HOXB1: variants seen among roughly 807,000 people sequenced by gnomAD.
HOXB1 encodes homeobox B1.
Under a neutral mutation model 26.9 loss-of-function variants are expected in HOXB1, and 13 were observed. The ratio of observed to expected loss-of-function variants is 0.48; its 90% CI spans 0.31 to 0.77. The LOEUF (loss-of-function observed/expected upper bound fraction) is 0.77. Ranked by LOEUF, HOXB1 falls within the 30% of genes least tolerant of loss-of-function variation. The pLI is 0.04. For synonymous variants in HOXB1, 168 were observed against 170.8 expected, an observed-to-expected ratio of 0.98 and a Z score of 0.13; for missense variants, 366 against 403.6, an observed-to-expected ratio of 0.91 and a Z score of 0.80.
In HOXB1 at chr17:48,529,771, GGTACTTGTT is replaced by G; in HGVS notation, c.673_681del (p.Asn225_Tyr227del). On this transcript the variant is annotated inframe_deletion, in exon 2 of 2. Coordinates refer to ENST00000239174, the MANE Select transcript of HOXB1 (RefSeq NM_002144.4). ...ATCTCCACCCTCCGGGCCCGGCTCA[GGTACTTGTT>G]GAAATGGAACTCCTTTTCCAGTTCT... 6.2e-7 allele frequency: 1 copy of G among 1,608,186 alleles called. No individual in the cohort carries two copies.
At position 48,529,472 on chromosome 17, in the gene HOXB1, G is replaced by T; in HGVS notation, c.*75C>A. 2.6e-6 allele frequency: 3 copies of T among 1,176,364 alleles called. No individual in the cohort carries two copies. The highest frequency in any genetic ancestry group is 2.6e-5 in the East Asian group (1 of 39,198). The allele number at this position is 1,176,364 out of a possible 1,614,324, so 72.9% of individuals were successfully genotyped here. ...CAGGCCAGTGAAGCCCAGGCCTGGG[G>T]TTGGGGAGAGCCTGGGATAGGGCTG... On this transcript the variant is annotated 3_prime_UTR_variant, in exon 2 of 2. Coordinates refer to ENST00000239174, the MANE Select transcript of HOXB1 (RefSeq NM_002144.4).
Position 48,529,391 on chromosome 17 carries a change from C to G in HOXB1, c.*156G>C. 1 of 510,260 alleles carries G rather than the reference C, an allele frequency of 2.0e-6. No homozygotes were observed. The allele number at this position is 510,260 out of a possible 1,614,324, so 31.6% of individuals were successfully genotyped here. A position where few individuals can be genotyped will look rare whatever the true frequency, so the allele number is the denominator to read the frequency against. ...GGTCTGAGAAAAATGTTTCCCCATC[C>G]CCCCTCCCACCCCCAGGCAGCTCTA... is the stretch of plus-strand genomic sequence containing the variant. On this transcript the variant is annotated 3_prime_UTR_variant, in exon 2 of 2. Transcript: ENST00000239174.
Position 48,530,233 on chromosome 17 carries a change from A to G in HOXB1, c.577+95T>C, listed in dbSNP as rs2068426048. 1.8e-6 allele frequency: 2 copies of G among 1,141,756 alleles called. No individual in the cohort carries two copies. The highest frequency in any genetic ancestry group is 1.5e-5 in the African/African-American group (1 of 64,836). The allele number at this position is 1,141,756 out of a possible 1,614,324, so 70.7% of individuals were successfully genotyped here. On this transcript the variant is annotated intron_variant, in intron 1 of 1. Coordinates refer to ENST00000239174, the MANE Select transcript of HOXB1 (RefSeq NM_002144.4). The surrounding 1 kb of genome is among the most constrained non-coding windows in gnomAD (Gnocchi z 6.2). ...ACCTGTGTCTACCAGAGCCGCTGAAAGAGAAGAACCCAGCCCAGACCCAGG... is the reference window on the plus strand; with the variant it reads ...ACCTGTGTCTACCAGAGCCGCTGAAGGAGAAGAACCCAGCCCAGACCCAGG...
At position 48,530,523 on chromosome 17, in the gene HOXB1, C is replaced by T. The variant is rs766256495; in HGVS notation, c.382G>A (p.Gly128Arg). 24 of 1,613,946 alleles carry T rather than the reference C, an allele frequency of 1.5e-5. No homozygotes were observed. The highest frequency in any genetic ancestry group is 2.7e-5 in the African/African-American group (2 of 74,912). ...GGCCCCGGACCGGCTCCACCTGCTCCGTAGCCATCGGACAAGCCCCCTAGC... is the reference window on the plus strand; with the variant it reads ...GGCCCCGGACCGGCTCCACCTGCTCTGTAGCCATCGGACAAGCCCCCTAGC... ...AQLGGLSDGY[G>R]AGGAGPGPYP... is the part of the protein sequence containing the mutation. The change falls in exon 1 of 2, where the codon GGA becomes AGA. Residue 128 changes from glycine to arginine, a missense_variant. By Grantham distance (125) the Gly-to-Arg change is moderately radical. Transcript: ENST00000239174. The surrounding 1 kb of genome is among the most constrained non-coding windows in gnomAD (Gnocchi z 6.2).
chr17:48,529,672 G>T lies in HOXB1; in HGVS notation c.781C>A (p.Arg261Ser). Residue 261 changes from arginine (R) to serine (S), a missense_variant, in exon 2 of 2, where the codon CGC becomes AGC. Arg to Ser is a moderately radical substitution (Grantham distance 110, BLOSUM62 -1). Coordinates refer to ENST00000239174, the MANE Select transcript of HOXB1 (RefSeq NM_002144.4). ...GGGACCCGACCTTCCTCTCGCTCGC[G>T]CTTCTTCTGCTTCATTCGTCGGTTC... is the stretch of plus-strand genomic sequence containing the variant. ...FQNRRMKQKK[R>S]EREEGRVPPA... The T allele has an allele frequency of 6.2e-7, 1 of 1,612,582 alleles. No individual in the cohort carries two copies.
rs376986229 is a variant in HOXB1, at chr17:48,530,034, C to A, written c.578-159G>T. ...CCACCAGGTACCCCCATGGTGATCA[C>A]CAAGTCTGGAGCAGCCTTCCCCATA... On this transcript the variant is annotated intron_variant, in intron 1 of 1. Transcript: ENST00000239174. The surrounding 1 kb of genome is among the most constrained non-coding windows in gnomAD (Gnocchi z 6.2). The A allele has an allele frequency of 1.5e-6, 1 of 664,212 alleles. No homozygotes were observed. The highest frequency in any genetic ancestry group is 1.9e-5 in the South Asian group (1 of 51,744). 41.1% of individuals were successfully genotyped at this position (664,212 alleles called of 1,614,324 possible).
chr17:48,530,986 TG>T lies in HOXB1; in HGVS notation c.-83del. The T allele has an allele frequency of 2.0e-6, 2 of 1,019,990 alleles. No homozygotes were observed. Among genetic ancestry groups the T allele is most frequent in the Non-Finnish European group, 2.8e-6 (2 of 706,942 alleles). The allele number at this position is 1,019,990 out of a possible 1,614,324, so 63.2% of individuals were successfully genotyped here. On this transcript the variant is annotated 5_prime_UTR_variant, in exon 1 of 2. It introduces an in-frame stop codon into an upstream open reading frame of the 5' UTR. Coordinates refer to ENST00000239174, the MANE Select transcript of HOXB1 (RefSeq NM_002144.4). This position sits in a 1 kb window ranked among gnomAD's most constrained non-coding sequence, Gnocchi z 6.2. ...ACCTTTCGGCAGTATGTCACAGCGC[TG>T]GGGCTCGAATCCATGGCCTGACCCG...
chr17:48,529,124 T>A lies in HOXB1; in HGVS notation c.*423A>T. On this transcript the variant is annotated 3_prime_UTR_variant, in exon 2 of 2. Coordinates refer to ENST00000239174, the MANE Select transcript of HOXB1 (RefSeq NM_002144.4). ...AAAATTTAAGGTTCTGTGTCAGGCC[T>A]AGAAGGGGGAGTTAGGATAAGAGTG... 6.4e-6 allele frequency: 1 copy of A among 157,122 alleles called. No homozygotes were observed. Among genetic ancestry groups the A allele is most frequent in the Non-Finnish European group, 1.4e-5 (1 of 71,716 alleles). The allele number at this position is 157,122 out of a possible 1,614,324, so 9.7% of individuals were successfully genotyped here.
In HOXB1 at chr17:48,530,039, T is replaced by G. The variant is rs559157364; in HGVS notation, c.578-164A>C. On this transcript the variant is annotated intron_variant, in intron 1 of 1. Coordinates refer to ENST00000239174, the MANE Select transcript of HOXB1 (RefSeq NM_002144.4). The surrounding 1 kb of genome is among the most constrained non-coding windows in gnomAD (Gnocchi z 6.2). ...AGGTACCCCCATGGTGATCACCAAG[T>G]CTGGAGCAGCCTTCCCCATACTTCC... 9.1e-5 allele frequency: 59 copies of G among 650,256 alleles called. No homozygotes were observed. The allele number at this position is 650,256 out of a possible 1,614,324, so 40.3% of individuals were successfully genotyped here.
chr17:48,530,756 C>G lies in HOXB1; in HGVS notation c.149G>C (p.Gly50Ala), dbSNP rs1315037460. 2 of 1,610,816 alleles carry G rather than the reference C, an allele frequency of 1.2e-6. No individual in the cohort carries two copies. The highest frequency in any genetic ancestry group is 2.7e-5 in the African/African-American group (2 of 74,880). The part of the protein sequence containing the change: ...DSYASEGRYG[G>A]GLSSPAFQQN... ...CTGAAACGCAGGGCTGGACAGCCCCCCACCGTAGCGGCCCTCGCTTGCATA... is the reference window on the plus strand; with the variant it reads ...CTGAAACGCAGGGCTGGACAGCCCCGCACCGTAGCGGCCCTCGCTTGCATA... The change falls in exon 1 of 2, where the codon GGG becomes GCG. Residue 50 changes from glycine (G) to alanine (A), a missense_variant. By Grantham distance (60) the Gly-to-Ala change is moderately conservative. Coordinates refer to ENST00000239174, the MANE Select transcript of HOXB1 (RefSeq NM_002144.4). The surrounding 1 kb of genome is among the most constrained non-coding windows in gnomAD (Gnocchi z 6.2).
At position 48,529,453 on chromosome 17, in the gene HOXB1, A is replaced by T; in HGVS notation, c.*94T>A. The T allele has an allele frequency of 1.4e-6, 1 of 736,064 alleles. No individual in the cohort carries two copies. Among genetic ancestry groups the T allele is most frequent in the Non-Finnish European group, 2.0e-6 (1 of 508,128 alleles). The allele number at this position is 736,064 out of a possible 1,614,324, so 45.6% of individuals were successfully genotyped here. On this transcript the variant is annotated 3_prime_UTR_variant, in exon 2 of 2. Transcript: ENST00000239174. ...CAGCCCTAGAGAGGATCCCCAGGCC[A>T]GTGAAGCCCAGGCCTGGGGTTGGGG...
At position 48,529,592 on chromosome 17, in the gene HOXB1, C is replaced by T. The variant is rs199615624; in HGVS notation, c.861G>A (p.Ser287=). ...KEAAGDASDQ[S]TCTSPEASPS... is the part of the protein sequence containing the mutation. ...GTGAGGCTTCCGGGGAGGTGCATGT[C>T]GACTGGTCTGAGGCATCTCCAGCTG... The change falls in exon 2 of 2, where the codon TCG becomes TCA. Residue 287 remains serine, a synonymous_variant. Transcript: ENST00000239174. 6.7e-5 allele frequency: 104 copies of T among 1,554,230 alleles called. No homozygotes were observed. The East Asian group carries it at 2.1e-3, about 31-fold the overall frequency.
In HOXB1 at chr17:48,528,716, T is replaced by G. The variant is rs1229990755; in HGVS notation, c.*831A>C. On this transcript the variant is annotated 3_prime_UTR_variant, in exon 2 of 2. Coordinates refer to ENST00000239174, the MANE Select transcript of HOXB1 (RefSeq NM_002144.4). The stretch of plus-strand genomic sequence containing the variant: ...CCTGGGCTGCCCCCAGGGGTAGGGG[T>G]GGAGATGGGGAAGAGGGTCCTGGGT... The G allele has an allele frequency of 6.6e-6, 1 of 150,776 alleles. No homozygotes were observed. Among genetic ancestry groups the G allele is most frequent in the Non-Finnish European group, 1.5e-5 (1 of 67,772 alleles). The allele number at this position is 150,776 out of a possible 1,614,324, so 9.3% of individuals were successfully genotyped here.
chr17:48,529,205 A>G lies in HOXB1; in HGVS notation c.*342T>C. On this transcript the variant is annotated 3_prime_UTR_variant, in exon 2 of 2. Coordinates refer to ENST00000239174, the MANE Select transcript of HOXB1 (RefSeq NM_002144.4). ...CTGAACCGAATAAACCCAAGTTGGA[A>G]GGGAAAGGAGGATGAATCCAGGAGG... is the stretch of plus-strand genomic sequence containing the variant. 2 of 213,106 alleles carry G rather than the reference A, an allele frequency of 9.4e-6. No homozygotes were observed. The highest frequency in any genetic ancestry group is 1.9e-5 in the Non-Finnish European group (2 of 107,836). The allele number at this position is 213,106 out of a possible 1,614,324, so 13.2% of individuals were successfully genotyped here. A position where few individuals can be genotyped will look rare whatever the true frequency, so the allele number is the denominator to read the frequency against.
At position 48,530,742 on chromosome 17, in the gene HOXB1, G is replaced by C; in HGVS notation, c.163C>G (p.Pro55Ala). 1.2e-6 allele frequency: 2 copies of C among 1,611,526 alleles called. No individual in the cohort carries two copies. The highest frequency in any genetic ancestry group is 1.7e-6 in the Non-Finnish European group (2 of 1,178,774). ...TAGCCGGAGTTCTGCTGAAACGCAGGGCTGGACAGCCCCCCACCGTAGCGG... is the reference window on the plus strand; with the variant it reads ...TAGCCGGAGTTCTGCTGAAACGCAGCGCTGGACAGCCCCCCACCGTAGCGG... ...EGRYGGGLSS[P>A]AFQQNSGYPA... Residue 55 changes from proline (P) to alanine (A), a missense_variant, in exon 1 of 2, where the codon CCT becomes GCT. Coordinates refer to ENST00000239174, the MANE Select transcript of HOXB1 (RefSeq NM_002144.4). This position sits in a 1 kb window ranked among gnomAD's most constrained non-coding sequence, Gnocchi z 6.2.
Position 48,530,741 on chromosome 17 carries a change from G to T in HOXB1, c.164C>A (p.Pro55His). The T allele has an allele frequency of 6.2e-7, 1 of 1,611,470 alleles. No individual in the cohort carries two copies. Among genetic ancestry groups the T allele is most frequent in the Non-Finnish European group, 8.5e-7 (1 of 1,178,738 alleles). ...ATAGCCGGAGTTCTGCTGAAACGCA[G>T]GGCTGGACAGCCCCCCACCGTAGCG... The part of the protein sequence containing the change: ...EGRYGGGLSS[P>H]AFQQNSGYPA... Residue 55 changes from proline (P) to histidine (H), a missense_variant, in exon 1 of 2, where the codon CCT becomes CAT. Transcript: ENST00000239174. This position sits in a 1 kb window ranked among gnomAD's most constrained non-coding sequence, Gnocchi z 6.2.
chr17:48,530,665 C>T lies in HOXB1; in HGVS notation c.240G>A (p.Ala80=), dbSNP rs759312454. 5 of 1,613,636 alleles carry T rather than the reference C, an allele frequency of 3.1e-6. No individual in the cohort carries two copies. The highest frequency in any genetic ancestry group is 1.7e-4 in the Middle Eastern group (1 of 6,058). ...STLGVPFPSS[A]PSGYAPAACS... ...AGGCGGCAGGAGCATACCCCGAGGGCGCGGAGCTGGGGAAGGGCACCCCCA... is the reference window on the plus strand; with the variant it reads ...AGGCGGCAGGAGCATACCCCGAGGGTGCGGAGCTGGGGAAGGGCACCCCCA... Residue 80 remains alanine, a synonymous_variant, in exon 1 of 2, where the codon GCG becomes GCA. Coordinates refer to ENST00000239174, the MANE Select transcript of HOXB1 (RefSeq NM_002144.4). The surrounding 1 kb of genome is among the most constrained non-coding windows in gnomAD (Gnocchi z 6.2).
rs1010677278 is a variant in HOXB1 at position 48,529,811 on chromosome 17, C to T, written c.642G>A (p.Gln214=). The T allele has an allele frequency of 6.2e-7, 1 of 1,601,642 alleles. No individual in the cohort carries two copies. The highest frequency in any genetic ancestry group is 1.1e-5 in the South Asian group (1 of 91,068). Residue 214 remains glutamine (Q), a synonymous_variant, in exon 2 of 2, where the codon CAG becomes CAA. Transcript: ENST00000239174. ...GGAACTCCTTTTCCAGTTCTGTCAG[C>T]TGCCTTGTGGTGAAGTTGGTGCGGA... The part of the protein sequence containing the change: ...SGLRTNFTTR[Q]LTELEKEFHF...
At position 48,530,210 on chromosome 17, in the gene HOXB1, C is replaced by T; in HGVS notation, c.577+118G>A. 1 of 887,958 alleles carries T rather than the reference C, an allele frequency of 1.1e-6. No homozygotes were observed. The highest frequency in any genetic ancestry group is 1.8e-6 in the Non-Finnish European group (1 of 561,402). 55.0% of individuals were successfully genotyped at this position (887,958 alleles called of 1,614,324 possible). ...CCTGAGACGTAGGTTGTGCTCTTACCTGTGTCTACCAGAGCCGCTGAAAGA... is the reference window on the plus strand; with the variant it reads ...CCTGAGACGTAGGTTGTGCTCTTACTTGTGTCTACCAGAGCCGCTGAAAGA... On this transcript the variant is annotated intron_variant, in intron 1 of 1. Transcript: ENST00000239174. This position sits in a 1 kb window ranked among gnomAD's most constrained non-coding sequence, Gnocchi z 6.2.
Sources: allele counts gnomAD v4.1 joint callset, GRCh38; gene constraint gnomAD v4.1.1; non-coding constraint Gnocchi (gnomAD v3.1); transcripts MANE v1.5; gene names NCBI Gene and HGNC (gene_info 2026-07-23, HGNC 2026-07-21).